The following MTAP variants were observed in gnomAD, a reference collection of about 807,000 sequenced individuals.
MTAP encodes the protein S-methyl-5'-thioadenosine phosphorylase.
A neutral mutation model predicts 33.6 loss-of-function variants in MTAP; 33 were observed. That is an observed-to-expected ratio of 0.98 (90% CI 0.74 to 1.31). MTAP has a LOEUF of 1.31. Ranked by LOEUF, MTAP falls within the 40% of genes most tolerant of loss-of-function variation. MTAP has a pLI of 0.00. For missense variants in MTAP, 367 were observed against 360.0 expected, an observed-to-expected ratio of 1.02 and a Z score of -0.16; for synonymous variants, 148 against 125.7, an observed-to-expected ratio of 1.18 and a Z score of -1.19.
rs763289310 is a variant in MTAP, at chr9:21,861,976, A to G, written c.814A>G (p.Asn272Asp). Reference sequence around the variant, plus strand: ...TCACTGCCTCCTTTCTTCCTTTCAGAATATGGCCCAGTTTTCTGTTTTATT... The same window carrying G: ...TCACTGCCTCCTTTCTTCCTTTCAGGATATGGCCCAGTTTTCTGTTTTATT... ...EWSETLHNLK[N>D]MAQFSVLLPR... is the part of the protein sequence containing the mutation. The change falls in exon 8 of 8, where the codon AAT becomes GAT. Residue 272 changes from asparagine to aspartate, a missense_variant and splice_region_variant. Physicochemically the swap from Asn to Asp is conservative, Grantham distance 23 (BLOSUM62 1). Coordinates refer to ENST00000644715, the MANE Select transcript of MTAP (RefSeq NM_002451.4). 2.6e-6 allele frequency: 4 copies of G among 1,561,480 alleles called. No individual in the cohort carries two copies. Among genetic ancestry groups the G allele is most frequent in the Non-Finnish European group, 3.5e-6 (4 of 1,132,264 alleles).
At chr9:21,843,434 A>G (rs1825301550) in intron 5 of MTAP, among the ~76,000 whole-genome samples, 1 of 152,166 alleles carries the variant, frequency 6.6e-6, no homozygotes, top group Admixed American at 6.5e-5. Context: ...ATATATACCC[A>G]ACAACTGCAG....
chr9:21,923,099 G>T (rs1019144637), intron 1 of MTAP, among the ~76,000 whole-genome samples: 1 of 152,058 alleles, frequency 6.6e-6, no homozygotes, highest in Non-Finnish European at 1.5e-5. Flanking sequence ...CCTTCTCTAC[G>T]TTAAACACAC....
At chr9:21,939,590 G>A (rs115887346), downstream of MTAP, among the ~76,000 whole-genome samples, 2,066 of 152,226 alleles carry the variant, frequency 0.014, 40 homozygotes, top group African/African-American at 0.047. Context: ...TGGGCTGGGC[G>A]CAGTATCTCA....
chr9:21,925,372 A>G (rs980740438), intron 1 of MTAP, among the ~76,000 whole-genome samples: 25 of 152,146 alleles, frequency 1.6e-4, no homozygotes, highest in African/African-American at 6.0e-4. Context: ...AAAAACTAGC[A>G]CTGGACCCCA....
chr9:21,915,102 C>CTTTTTGA (rs1315726600), intron 1 of MTAP, among the ~76,000 whole-genome samples: 10 of 119,466 alleles, frequency 8.4e-5, no homozygotes, highest in African/African-American at 4.0e-4. Context: ...TCTTTTCTTT[C>CTTTTTGA]GGCAGAGTCT....
chr9:21,819,174 G>T (rs1824565201), intron 4 of MTAP, among the ~76,000 whole-genome samples: 1 of 150,590 alleles, frequency 6.6e-6, no homozygotes, highest in South Asian at 2.1e-4. Context: ...AAGTTCTAGG[G>T]TACATGTGCA....
chr9:21,930,234 A>T (rs1226984065), intron 1 of MTAP: 1 of 241,792 alleles, frequency 4.1e-6, no homozygotes, highest in African/African-American at 2.3e-5. Context: ...GTTAGCAGGC[A>T]TGAATGTAGC....
chr9:21,805,458 A>G (rs1472272442), intron 1 of MTAP, among the ~76,000 whole-genome samples: 1 of 152,238 alleles, frequency 6.6e-6, no homozygotes, highest in Non-Finnish European at 1.5e-5. Flanking sequence ...ACCAACTGAC[A>G]TGAAAGTGAA....
downstream of MTAP, chr9:21,932,748 T>C (rs1818983082): frequency 6.6e-6 from 1 of 152,114 alleles, no homozygotes; most frequent in Non-Finnish European, 1.5e-5. Flanking sequence ...ATAAAATACG[T>C]CTCCCATTTA....
In MTAP at chr9:21,864,138, C is replaced by G. The variant is rs1563852100; in HGVS notation, c.*2124C>G. 1 of 985,322 alleles carries G rather than the reference C, an allele frequency of 1.0e-6. No individual in the cohort carries two copies. The highest frequency in any genetic ancestry group is 1.2e-6 in the Non-Finnish European group (1 of 829,948). The allele number at this position is 985,322 out of a possible 1,614,324, so 61.0% of individuals were successfully genotyped here. A position where few individuals can be genotyped will look rare whatever the true frequency, so the allele number is the denominator to read the frequency against. On this transcript the variant is annotated 3_prime_UTR_variant, in exon 8 of 8. Coordinates refer to ENST00000644715, the MANE Select transcript of MTAP (RefSeq NM_002451.4). Reference sequence around the variant, plus strand: ...CTTGCTATGTTCAGAAAGTACAGTTCTCTCCAACTTGCAGAGGTACTTTTC... The same window carrying G: ...CTTGCTATGTTCAGAAAGTACAGTTGTCTCCAACTTGCAGAGGTACTTTTC...
At chr9:21,856,246 C>G (rs927785803) in intron 6 of MTAP, 97 of 877,414 alleles carry the variant, frequency 1.1e-4, no homozygotes, top group Non-Finnish European at 1.3e-4. Context: ...TCCAAAGAGG[C>G]CTAATATTGT....
At chr9:21,933,154 T>C (rs543873931), downstream of MTAP, 3 of 152,344 alleles carry the variant, frequency 2.0e-5, no homozygotes, top group South Asian at 6.2e-4. Flanking sequence ...TTGCCCTATT[T>C]ATTCATGGGC....
At chr9:21,894,443 G>GA (rs888500807) in intron 1 of MTAP, among the ~76,000 whole-genome samples, 5 of 151,292 alleles carry the variant, frequency 3.3e-5, no homozygotes, top group African/African-American at 7.3e-5. Flanking sequence ...TTTCCAAATA[G>GA]AAAAAAAAGA....
At chr9:21,838,413 T>C (rs1454718747) in intron 5 of MTAP, among the ~76,000 whole-genome samples, 2 of 152,236 alleles carry the variant, frequency 1.3e-5, no homozygotes, top group African/African-American at 4.8e-5. Context: ...ATCTTACTTC[T>C]AAAATGAAGA....
intron 1 of MTAP, among the ~76,000 whole-genome samples, chr9:21,909,471 A>G (rs1487421859): frequency 6.6e-6 from 1 of 152,168 alleles, no homozygotes; most frequent in African/African-American, 2.4e-5. Flanking sequence ...GAGCTTGGGC[A>G]TTCTCAAATT....
At chr9:21,885,762 G>T (rs1302674921) in intron 1 of MTAP, among the ~76,000 whole-genome samples, 1 of 147,792 alleles carries the variant, frequency 6.8e-6, no homozygotes, top group Admixed American at 6.8e-5. Flanking sequence ...CCTTTTTATA[G>T]CTGGGTAGTA....
rs1563851650 is a variant in MTAP at position 21,863,296 on chromosome 9, T to TA, written c.*1283dup. 1 of 984,582 alleles carries TA rather than the reference T, an allele frequency of 1.0e-6. No homozygotes were observed. Among genetic ancestry groups the TA allele is most frequent in the East Asian group, 1.1e-4 (1 of 8,832 alleles). 61.0% of individuals were successfully genotyped at this position (984,582 alleles called of 1,614,324 possible). ...AAGCTTGCTTTTTTAACTCTTTTTT[T>TA]ATTGTTATTTTATAGAAATGCTTTT... is the stretch of plus-strand genomic sequence containing the variant. On this transcript the variant is annotated 3_prime_UTR_variant, in exon 8 of 8. Coordinates refer to ENST00000644715, the MANE Select transcript of MTAP (RefSeq NM_002451.4).
intron 5 of MTAP, among the ~76,000 whole-genome samples, chr9:21,851,166 G>A (rs140245620): frequency 1.3e-5 from 2 of 152,270 alleles, no homozygotes; most frequent in East Asian, 3.9e-4. Flanking sequence ...GACTCTTCAG[G>A]AATGAAGATT....
chr9:21,895,235 T>C (rs775696455), intron 1 of MTAP, among the ~76,000 whole-genome samples: 7 of 151,964 alleles, frequency 4.6e-5, no homozygotes, highest in African/African-American at 1.7e-4. Flanking sequence ...CTAAGCAAAA[T>C]GAACAAAGCT....
Sources: allele counts gnomAD v4.1 joint callset (sites outside exome capture counted in the v4.1 genomes callset), GRCh38; gene constraint gnomAD v4.1.1; transcripts MANE v1.5; gene names NCBI Gene and HGNC (gene_info 2026-07-23, HGNC 2026-07-21).